KIF2A: variants seen among roughly 807,000 people sequenced by gnomAD.
KIF2A encodes kinesin-like protein KIF2A.
KIF2A carries 22 observed loss-of-function variants against 100.2 expected under a neutral mutation model. The ratio of observed to expected loss-of-function variants is 0.22; its 90% CI spans 0.16 to 0.31. The LOEUF (loss-of-function observed/expected upper bound fraction) is 0.31. Ranked by LOEUF, KIF2A falls within the 10% of genes least tolerant of loss-of-function variation. KIF2A has a pLI of 1.00. For missense variants in KIF2A, 495 were observed against 898.7 expected (o/e 0.55, Z 5.74); for synonymous variants, 268 against 285.9 (o/e 0.94, Z 0.63).
chr5:62,372,360 C>A, intron 16 of KIF2A, 78 bp from the exon 17 acceptor site: 1 of 725,994 alleles, frequency 1.4e-6, no homozygotes, highest in Non-Finnish European at 2.4e-6. Context: ...AAAGTGAATA[C>A]TAAATGAAAA....
rs983509988 is a variant in KIF2A at position 62,386,276 on chromosome 5, T to C, written c.*707T>C. On this transcript the variant is annotated 3_prime_UTR_variant, in exon 21 of 21. Transcript: ENST00000407818. ...TTATATGTAAAGAAATCTGGAATTATTATTTTAAAACCATATAACATGTGA... is the reference window on the plus strand; with the variant it reads ...TTATATGTAAAGAAATCTGGAATTACTATTTTAAAACCATATAACATGTGA... 2.0e-5 allele frequency: 3 copies of C among 152,656 alleles called. No individual in the cohort carries two copies. The highest frequency in any genetic ancestry group is 7.2e-5 in the African/African-American group (3 of 41,460). The allele number at this position is 152,656 out of a possible 1,614,324, so 9.5% of individuals were successfully genotyped here. A position where few individuals can be genotyped will look rare whatever the true frequency, so the allele number is the denominator to read the frequency against.
At chr5:62,356,787 T>TC (rs1318433265) in intron 7 of KIF2A, among the ~76,000 whole-genome samples, 1 of 133,638 alleles carries the variant, frequency 7.5e-6, no homozygotes, top group East Asian at 2.2e-4. Flanking sequence ...ATAATACAGC[T>TC]TTTTTTTTTT....
chr5:62,390,811 A>T lies in KIF2A; in HGVS notation c.*5242A>T. The T allele has an allele frequency of 2.2e-6, 3 of 1,358,188 alleles. No homozygotes were observed. The highest frequency in any genetic ancestry group is 3.2e-6 in the Non-Finnish European group (3 of 948,700). 84.1% of individuals were successfully genotyped at this position (1,358,188 alleles called of 1,614,324 possible). ...CTTATACCGCTTAAAAGCCTTTAAA[A>T]TCTCCAATCTGAAGGTGTCACAGTA... On this transcript the variant is annotated 3_prime_UTR_variant, in exon 21 of 21. Coordinates refer to ENST00000407818, the MANE Select transcript of KIF2A (RefSeq NM_001098511.3).
chr5:62,377,871 A>G (rs1741615379), intron 19 of KIF2A, 109 bp downstream of exon 19: 1 of 606,370 alleles, frequency 1.6e-6, no homozygotes, highest in African/African-American at 1.9e-5. Flanking sequence ...GTTTGTATAT[A>G]TGTATATGTG....
chr5:62,342,486 T>A (rs1747345742), intron 1 of KIF2A, among the ~76,000 whole-genome samples: 1 of 152,150 alleles, frequency 6.6e-6, no homozygotes, highest in South Asian at 2.1e-4. Flanking sequence ...CCTTTAGGTT[T>A]GGGGTTGAGA....
chr5:62,340,995 T>G (rs937595223), intron 1 of KIF2A, among the ~76,000 whole-genome samples: 5 of 152,210 alleles, frequency 3.3e-5, no homozygotes, highest in Admixed American at 6.5e-5. Flanking sequence ...ATTGGTATTG[T>G]AGGTAGTGTA....
intron 1 of KIF2A, among the ~76,000 whole-genome samples, chr5:62,312,329 G>C (rs1745593532): frequency 6.6e-6 from 1 of 152,182 alleles, no homozygotes; most frequent in Admixed American, 6.5e-5. Flanking sequence ...ATCTGTGTCT[G>C]CTCAAATAAG....
At chr5:62,349,071 C>G (rs1231341312) in intron 3 of KIF2A, among the ~76,000 whole-genome samples, 3 of 152,038 alleles carry the variant, frequency 2.0e-5, no homozygotes, top group Non-Finnish European at 4.4e-5. Flanking sequence ...TTGAGAGTCA[C>G]CACTTAGAGG....
At chr5:62,344,373 A>C (rs1040404056) in intron 1 of KIF2A, among the ~76,000 whole-genome samples, 1 of 151,770 alleles carries the variant, frequency 6.6e-6, no homozygotes, top group African/African-American at 2.4e-5. Context: ...GCAGATACCT[A>C]CTTTGTAGGT....
intron 1 of KIF2A, among the ~76,000 whole-genome samples, chr5:62,336,218 G>A (rs1238951804): frequency 2.6e-5 from 4 of 152,202 alleles, no homozygotes; most frequent in African/African-American, 9.6e-5. Flanking sequence ...GGATGATGCG[G>A]GAGAAAGAGA....
In KIF2A at chr5:62,385,470, T is replaced by C; in HGVS notation, c.2150-14T>C. 1 of 1,550,948 alleles carries C rather than the reference T, an allele frequency of 6.4e-7. No individual in the cohort carries two copies. Among genetic ancestry groups the C allele is most frequent in the Non-Finnish European group, 8.8e-7 (1 of 1,142,800 alleles). On this transcript the variant is annotated splice_polypyrimidine_tract_variant and intron_variant, in intron 20 of 20. Coordinates refer to ENST00000407818, the MANE Select transcript of KIF2A (RefSeq NM_001098511.3). Reference sequence around the variant, plus strand: ...AATACAATACTTATTCCCTCTTTCTTTTCTTTTTCCAAGATAAAGTGAAAT... The same window carrying C: ...AATACAATACTTATTCCCTCTTTCTCTTCTTTTTCCAAGATAAAGTGAAAT...
chr5:62,372,349 A>G (rs779999173), intron 16 of KIF2A, 89 bp from the exon 17 acceptor site: 5 of 702,668 alleles, frequency 7.1e-6, no homozygotes, highest in South Asian at 1.7e-5. Context: ...TTTTCTAAAC[A>G]AAAGTGAATA....
rs774218971 is a variant in KIF2A, at chr5:62,358,302, A to G, written c.872+3A>G. On this transcript the variant is annotated splice_donor_region_variant and intron_variant, in intron 9 of 20. Transcript: ENST00000407818. The stretch of plus-strand genomic sequence containing the variant: ...GCTCCTAATGAAATGGTTTACAGGT[A>G]GGTAAATTCATTTTAAATCAGAATT... The G allele has an allele frequency of 3.2e-6, 5 of 1,545,088 alleles. No individual in the cohort carries two copies. Among genetic ancestry groups the G allele is most frequent in the Non-Finnish European group, 4.3e-6 (5 of 1,152,364 alleles).
intron 16 of KIF2A, among the ~76,000 whole-genome samples, chr5:62,372,204 G>A (rs1741353839): frequency 6.6e-6 from 1 of 152,122 alleles, no homozygotes; most frequent in Non-Finnish European, 1.5e-5. Flanking sequence ...GAGAAAAGAG[G>A]AAAATACACC....
intron 1 of KIF2A, chr5:62,308,267 G>A (rs1745407031): frequency 4.3e-6 from 5 of 1,153,596 alleles, no homozygotes; most frequent in Middle Eastern, 3.2e-4. Flanking sequence ...TTTCTCTTCA[G>A]ATTACTTTCT....
chr5:62,363,000 T>C (rs1341115703), intron 12 of KIF2A, among the ~76,000 whole-genome samples, 178 bp from the exon 13 acceptor site: 4 of 152,178 alleles, frequency 2.6e-5, no homozygotes, highest in African/African-American at 9.7e-5. Context: ...CTAATTTGTT[T>C]TATTTTTAGC....
chr5:62,320,639 A>G (rs1746050376), intron 1 of KIF2A, among the ~76,000 whole-genome samples: 1 of 152,140 alleles, frequency 6.6e-6, no homozygotes, highest in Admixed American at 6.5e-5. Flanking sequence ...CCAAACATAT[A>G]ATAGAAAACA....
At chr5:62,370,062 G>T (rs1258469528) in intron 16 of KIF2A, among the ~76,000 whole-genome samples, 1 of 152,132 alleles carries the variant, frequency 6.6e-6, no homozygotes, top group African/African-American at 2.4e-5. Flanking sequence ...CACAGTACCT[G>T]GGATATATTA....
intron 18 of KIF2A, among the ~76,000 whole-genome samples, chr5:62,374,325 G>A (rs1741447348): frequency 6.6e-6 from 1 of 152,144 alleles, no homozygotes; most frequent in African/African-American, 2.4e-5. Context: ...TCTCTTAAGT[G>A]TTGTCTGGCT....
Sources: gnomAD v4.1 joint callset for allele counts (sites outside exome capture counted in the v4.1 genomes callset) on GRCh38, gnomAD v4.1.1 for gene constraint, MANE v1.5 for transcripts, NCBI Gene and HGNC (gene_info 2026-07-23, HGNC 2026-07-21) for gene names.